The following EEFSEC variants were observed in gnomAD, a reference collection of about 807,000 sequenced individuals.
EEFSEC encodes eukaryotic elongation factor, selenocysteine-tRNA specific.
Under a neutral mutation model 42.1 loss-of-function variants are expected in EEFSEC, and 43 were observed. That is an observed-to-expected ratio of 1.02 (90% CI 0.80 to 1.32). The LOEUF (loss-of-function observed/expected upper bound fraction) is 1.32. EEFSEC is among the 40% of genes most tolerant of loss of function. EEFSEC has a pLI of 0.00. For missense variants in EEFSEC, 745 were observed against 803.6 expected (o/e 0.93, Z 0.88); for synonymous variants, 354 against 339.1 (o/e 1.04, Z -0.48).
intron 1 of EEFSEC, among the ~76,000 whole-genome samples, chr3:128,174,820 G>A (rs531214431): frequency 6.6e-6 from 1 of 152,312 alleles, no homozygotes; most frequent in South Asian, 2.1e-4. Flanking sequence ...TGCAGGCTTG[G>A]CACCAGAATG....
intron 5 of EEFSEC, among the ~76,000 whole-genome samples, chr3:128,342,419 G>A (rs1445081829): frequency 6.6e-6 from 1 of 152,246 alleles, no homozygotes. Flanking sequence ...AGGGGAAGGG[G>A]CTAATGGTGG....
At chr3:128,355,431 G>A (rs1289721664) in intron 5 of EEFSEC, among the ~76,000 whole-genome samples, 2 of 152,068 alleles carry the variant, frequency 1.3e-5, no homozygotes, top group African/African-American at 2.4e-5. Context: ...CCACACAGGC[G>A]GGGAGGGAGG....
intron 1 of EEFSEC, among the ~76,000 whole-genome samples, chr3:128,202,357 G>C (rs1169495562): frequency 6.6e-6 from 1 of 152,104 alleles, no homozygotes; most frequent in East Asian, 1.9e-4. Context: ...GTATTTTTAA[G>C]TTTTTAGTAT....
intron 1 of EEFSEC, among the ~76,000 whole-genome samples, chr3:128,197,827 A>G (rs2065601728): frequency 6.6e-6 from 1 of 152,130 alleles, no homozygotes; most frequent in African/African-American, 2.4e-5. Flanking sequence ...CGGTTTTGGT[A>G]AATCTTATTT....
chr3:128,414,655 C>T, the EEFSEC span, among the ~76,000 whole-genome samples: 1 of 152,354 alleles, frequency 6.6e-6, no homozygotes, highest in South Asian at 2.1e-4. Flanking sequence ...ACCATCATTC[C>T]ATCATTTAAC....
intron 1 of EEFSEC, among the ~76,000 whole-genome samples, chr3:128,223,325 G>A (rs922066708): frequency 1.3e-5 from 2 of 152,156 alleles, no homozygotes; most frequent in Non-Finnish European, 2.9e-5. Context: ...TAAGAATAGT[G>A]CTTTCATGAA....
In EEFSEC at chr3:128,356,468, C is replaced by T. The variant is rs187664024; in HGVS notation, c.1444-1749C>T. ...TGGGGACAGAGGGCTGCAATTGTCACCCTTGCTGGACCAGAAGCCATCAAA... is the reference window on the plus strand; with the variant it reads ...TGGGGACAGAGGGCTGCAATTGTCATCCTTGCTGGACCAGAAGCCATCAAA... On this transcript the variant is annotated intron_variant, in intron 5 of 6. Transcript: ENST00000254730. 6.0e-4 allele frequency among the ~76,000 whole-genome samples: 92 copies of T among 152,284 alleles called. No homozygotes were observed. In the South Asian group the frequency reaches 8.5e-3, roughly 14 times the overall value.
the EEFSEC span, among the ~76,000 whole-genome samples, chr3:128,423,700 T>C: frequency 6.6e-6 from 1 of 152,150 alleles, no homozygotes; most frequent in African/African-American, 2.4e-5. Flanking sequence ...TGACTGCCAG[T>C]GGAGACAGTT....
rs576405905 is a variant in EEFSEC, at chr3:128,166,636, G to A, written c.316+12813G>A. On this transcript the variant is annotated intron_variant, in intron 1 of 6. Coordinates refer to ENST00000254730, the MANE Select transcript of EEFSEC (RefSeq NM_021937.5). ...TTCCTGAGATGTCCTGGCCTGGGGT[G>A]ACTACCACAGGCCCTTAGATTCCAC... is the stretch of plus-strand genomic sequence containing the variant. 4.6e-5 allele frequency among the ~76,000 whole-genome samples: 7 copies of A among 152,088 alleles called. No homozygotes were observed. In the East Asian group the frequency reaches 1.2e-3, roughly 25 times the overall value.
intron 4 of EEFSEC, among the ~76,000 whole-genome samples, chr3:128,309,711 T>G (rs1281050758): frequency 6.6e-6 from 1 of 151,996 alleles, no homozygotes; most frequent in African/African-American, 2.4e-5. Flanking sequence ...CACTTGGGAG[T>G]TTTGTGCCCA....
At chr3:128,357,827 G>A (rs891544472) in intron 5 of EEFSEC, among the ~76,000 whole-genome samples, 5 of 139,148 alleles carry the variant, frequency 3.6e-5, no homozygotes, top group Non-Finnish European at 6.2e-5. Context: ...TGCAACAGGG[G>A]CTTGAATTCA....
chr3:128,320,013 C>A (rs2066989983), intron 4 of EEFSEC, among the ~76,000 whole-genome samples: 1 of 152,238 alleles, frequency 6.6e-6, no homozygotes, highest in African/African-American at 2.4e-5. Flanking sequence ...GTCAGTGTTC[C>A]TGTTCATAGG....
chr3:128,179,212 C>T (rs1425084609), intron 1 of EEFSEC, among the ~76,000 whole-genome samples: 1 of 152,122 alleles, frequency 6.6e-6, no homozygotes, highest in African/African-American at 2.4e-5. Context: ...TGCCACTTCC[C>T]AAGGTGGACA....
rs146179319 is a variant in EEFSEC, at chr3:128,213,819, T to C, written c.317-33017T>C. On this transcript the variant is annotated intron_variant, in intron 1 of 6. Coordinates refer to ENST00000254730, the MANE Select transcript of EEFSEC (RefSeq NM_021937.5). ...TTTTTGGTTTTATAGTTTTAGTATTTAAAAAAAGTCAATTTAAAGGAAAAT... is the reference window on the plus strand; with the variant it reads ...TTTTTGGTTTTATAGTTTTAGTATTCAAAAAAAGTCAATTTAAAGGAAAAT... 2.6e-3 allele frequency among the ~76,000 whole-genome samples: 401 copies of C among 152,224 alleles called. 1 individual carries two copies. Among genetic ancestry groups the C allele is most frequent in the African/African-American group, 8.9e-3 (369 of 41,514 alleles).
At chr3:128,274,271 C>T (rs2066443920) in intron 4 of EEFSEC, among the ~76,000 whole-genome samples, 1 of 152,234 alleles carries the variant, frequency 6.6e-6, no homozygotes, top group African/African-American at 2.4e-5. Context: ...CTTCAGCGTC[C>T]TTGTCTATCA....
At chr3:128,392,444 TC>T (rs1471230489) in intron 6 of EEFSEC, among the ~76,000 whole-genome samples, 1 of 152,186 alleles carries the variant, frequency 6.6e-6, no homozygotes, top group Non-Finnish European at 1.5e-5. Flanking sequence ...AGGGTCATTG[TC>T]CCCTTGTAAT....
At chr3:128,348,232 G>A (rs1287387418) in intron 5 of EEFSEC, among the ~76,000 whole-genome samples, 1 of 151,688 alleles carries the variant, frequency 6.6e-6, no homozygotes, top group Non-Finnish European at 1.5e-5. Context: ...GGCAGATATG[G>A]AGAGATACAA....
chr3:128,300,541 G>GAAAA (rs35286505), intron 4 of EEFSEC, among the ~76,000 whole-genome samples: 2 of 86,092 alleles, frequency 2.3e-5, no homozygotes, highest in Non-Finnish European at 4.7e-5. Context: ...GACTCTGTCT[G>GAAAA]AAAAAAAAAA....
chr3:128,234,025 TTTTATTTATTTA>T lies in EEFSEC; in HGVS notation c.317-12790_317-12779del, dbSNP rs58135764. Among the ~76,000 whole-genome samples, 55 of 148,798 alleles carry T rather than the reference TTTTATTTATTTA, an allele frequency of 3.7e-4. 1 individual carries two copies. Among genetic ancestry groups the T allele is most frequent in the South Asian group, 8.6e-4 (4 of 4,678 alleles). On this transcript the variant is annotated intron_variant, in intron 1 of 6. Transcript: ENST00000254730. ...CCGATTCCCTGACCTGTAGTCATCT[TTTTATTTATTTA>T]TTTATTTATTTATTTATTTAATTTA...
Sources: gnomAD v4.1 joint callset for allele counts (sites outside exome capture counted in the v4.1 genomes callset) on GRCh38, gnomAD v4.1.1 for gene constraint, MANE v1.5 for transcripts, NCBI Gene and HGNC (gene_info 2026-07-23, HGNC 2026-07-21) for gene names.